POLR1C: variants seen among roughly 807,000 people sequenced by gnomAD.
POLR1C encodes RNA polymerase I and III subunit C.
A neutral mutation model predicts 38.3 loss-of-function variants in POLR1C; 42 were observed. The ratio of observed to expected loss-of-function variants is 1.10; its 90% CI spans 0.86 to 1.42. POLR1C has a LOEUF of 1.42. POLR1C is among the 40% of genes most tolerant of loss of function. POLR1C has a pLI of 0.00. For missense variants in POLR1C, 507 were observed against 450.5 expected (o/e 1.13, Z -1.14); for synonymous variants, 163 against 163.9 (o/e 0.99, Z 0.04).
At position 43,539,689 on chromosome 6, in the gene POLR1C, G is replaced by A. The variant is rs140492665; in HGVS notation, c.*4+10330G>A. The A allele has an allele frequency of 6.9e-3, 5,525 of 802,154 alleles. 118 individuals are homozygous for A. The highest frequency in any genetic ancestry group is 0.015 in the Middle Eastern group (42 of 2,766). The allele number at this position is 802,154 out of a possible 1,614,324, so 49.7% of individuals were successfully genotyped here. On this transcript the variant is annotated intron_variant, in intron 9 of 10. Coordinates refer to the POLR1C transcript ENST00000607635. Reference sequence around the variant, plus strand: ...GGCCTCCAGGCCCCCCCACTGCACCGGCGTCATCCGCCATTTGGTGTTTTC... The same window carrying A: ...GGCCTCCAGGCCCCCCCACTGCACCAGCGTCATCCGCCATTTGGTGTTTTC...
intron 2 of POLR1C, among the ~76,000 whole-genome samples, chr6:43,518,062 G>A (rs1792932816): frequency 6.6e-6 from 1 of 152,072 alleles, no homozygotes; most frequent in South Asian, 2.1e-4. Flanking sequence ...GTGTGCTCCG[G>A]GCATGTCCAA....
intron 9 of POLR1C, among the ~76,000 whole-genome samples, chr6:43,542,095 C>G (rs1794725780): frequency 6.6e-6 from 1 of 152,080 alleles, no homozygotes; most frequent in African/African-American, 2.4e-5. Flanking sequence ...TTTTAGAAAT[C>G]TAGTGTGTAT....
chr6:43,519,170 CTTA>C (rs1793006923), intron 2 of POLR1C, 160 bp from the exon 3 acceptor site: 1 of 670,720 alleles, frequency 1.5e-6, no homozygotes, highest in East Asian at 2.7e-5. Context: ...TTTCATGAAA[CTTA>C]AAACACTGGG....
intron 8 of POLR1C, chr6:43,528,316 C>A (rs940507003): frequency 4.2e-5 from 46 of 1,108,372 alleles, no homozygotes; most frequent in Non-Finnish European, 5.7e-5. Context: ...TGATTCTAGG[C>A]ATCAATGACA....
At chr6:43,553,130 A>G (rs1342384803) in intron 10 of POLR1C, among the ~76,000 whole-genome samples, 1 of 152,172 alleles carries the variant, frequency 6.6e-6, no homozygotes, top group African/African-American at 2.4e-5. Context: ...CCTGGGCAAC[A>G]CAGACTCCAT....
chr6:43,531,403 A>G, downstream of POLR1C: 1 of 1,401,616 alleles, frequency 7.1e-7, no homozygotes, highest in South Asian at 1.2e-5. Flanking sequence ...CACTAGATGA[A>G]AAGTCCAACC....
At chr6:43,526,740 GCAAAC>G in intron 8 of POLR1C, 1 of 1,613,752 alleles carries the variant, frequency 6.2e-7, no homozygotes, top group Non-Finnish European at 8.5e-7. Context: ...TTGAAACACA[GCAAAC>G]CGCTAAAGCA....
chr6:43,519,188 A>G lies in POLR1C; in HGVS notation c.142-145A>G. 5.7e-6 allele frequency: 4 copies of G among 697,734 alleles called. No individual in the cohort carries two copies. In the South Asian group the frequency reaches 6.1e-5, roughly 11 times the overall value. The allele number at this position is 697,734 out of a possible 1,614,324, so 43.2% of individuals were successfully genotyped here. The stretch of plus-strand genomic sequence containing the variant: ...CATGAAACTTAAAACACTGGGCGAG[A>G]TAGAATATTTAATAAGAGACATTTG... On this transcript the variant is annotated intron_variant, in intron 2 of 8. Coordinates refer to ENST00000642195, the MANE Select transcript of POLR1C (RefSeq NM_203290.4).
At chr6:43,551,234 AAAAT>A (rs1302718252) in intron 10 of POLR1C, 11 of 1,461,116 alleles carry the variant, frequency 7.5e-6, no homozygotes, top group African/African-American at 7.2e-5. Context: ...CCAAAAAAAT[AAAAT>A]AAATAAAAAT....
In POLR1C at chr6:43,546,580, G is replaced by C. The variant is rs375364641; in HGVS notation, c.*5-4388G>C. 6.2e-7 allele frequency: 1 copy of C among 1,607,550 alleles called. No individual in the cohort carries two copies. Among genetic ancestry groups the C allele is most frequent in the South Asian group, 1.1e-5 (1 of 89,330 alleles). Reference sequence around the variant, plus strand: ...CATTATTCTGACTCACCTTATAAGCGCAAGCAAATTGTCAAGAAGTTTCAG... The same window carrying C: ...CATTATTCTGACTCACCTTATAAGCCCAAGCAAATTGTCAAGAAGTTTCAG... On this transcript the variant is annotated intron_variant, in intron 9 of 10. Transcript: ENST00000607635.
At chr6:43,553,665 A>G in intron 10 of POLR1C, 1 of 1,384,636 alleles carries the variant, frequency 7.2e-7, no homozygotes, top group South Asian at 1.7e-5. Context: ...GCTGGGGCAA[A>G]GAAAAGATGA....
At chr6:43,525,360 ACTC>A (rs1398900947), downstream of POLR1C, 5 of 720,384 alleles carry the variant, frequency 6.9e-6, no homozygotes. Flanking sequence ...CTGGTCCTGA[ACTC>A]CTGGGCTCAA....
At chr6:43,540,944 T>C (rs1429646275) in intron 9 of POLR1C, among the ~76,000 whole-genome samples, 1 of 152,060 alleles carries the variant, frequency 6.6e-6, no homozygotes, top group African/African-American at 2.4e-5. Flanking sequence ...GATCTTGTCA[T>C]TTGCAACAAT....
chr6:43,529,909 CA>C (rs1191727799), downstream of POLR1C, among the ~76,000 whole-genome samples: 885 of 97,534 alleles, frequency 9.1e-3, 6 homozygotes, highest in African/African-American at 0.023. Context: ...GACCCTGTCT[CA>C]AAAAAAAAAA....
chr6:43,522,642 T>G, downstream of POLR1C: 1 of 428,230 alleles, frequency 2.3e-6, no homozygotes, highest in Non-Finnish European at 5.1e-6. Flanking sequence ...TTCTTCTCAA[T>G]CTGACCCTGC....
In POLR1C at chr6:43,529,350, G is replaced by GT. The variant is rs143794012; in HGVS notation, c.1024_1025insT (p.Gly342ValfsTer5). 911 of 450,808 alleles carry GT rather than the reference G, an allele frequency of 2.0e-3. 7 individuals are homozygous for GT. Among genetic ancestry groups the GT allele is most frequent in the African/African-American group, 0.018 (776 of 42,480 alleles). 27.9% of individuals were successfully genotyped at this position (450,808 alleles called of 1,614,324 possible). ...GGGGTCAAGAGAGCGAGACCATCCT[G>GT]GCTAACATGGTGAAACCCCGTCTCT... On this transcript the variant is annotated frameshift_variant, in exon 9 of 9. Transcript: ENST00000304004. LOFTEE classifies it high-confidence loss of function.
At chr6:43,528,802 C>T in intron 8 of POLR1C, 1 of 1,605,994 alleles carries the variant, frequency 6.2e-7, no homozygotes, top group South Asian at 1.1e-5. Context: ...GTACTCTTTG[C>T]TTCCTGTTCC....
chr6:43,560,412 T>C (rs1762357800), intron 10 of POLR1C: 2 of 1,342,098 alleles, frequency 1.5e-6, no homozygotes, highest in African/African-American at 1.5e-5. Flanking sequence ...ATCTGTACAA[T>C]ACTTTGAAGC....
chr6:43,519,754 A>G lies in POLR1C; in HGVS notation c.298A>G (p.Ile100Val). 1 of 1,613,990 alleles carries G rather than the reference A, an allele frequency of 6.2e-7. No individual in the cohort carries two copies. Among genetic ancestry groups the G allele is most frequent in the Non-Finnish European group, 8.5e-7 (1 of 1,179,936 alleles). ...GGTCCTGGTGTACAATAATACATCC[A>G]TTGTTCAGGATGAGATTCTTGCTCA... ...EKVLVYNNTS[I>V]VQDEILAHRL... Residue 100 changes from isoleucine to valine, a missense_variant, in exon 4 of 9, where the codon ATT (isoleucine) becomes GTT (valine). Ile to Val is a conservative substitution (Grantham distance 29). Coordinates refer to ENST00000642195, the MANE Select transcript of POLR1C (RefSeq NM_203290.4).
Sources: allele counts gnomAD v4.1 joint callset (sites outside exome capture counted in the v4.1 genomes callset), GRCh38; gene constraint gnomAD v4.1.1; transcripts MANE v1.5; gene names NCBI Gene and HGNC (gene_info 2026-07-23, HGNC 2026-07-21).